Variants in EML1 observed in about 807,000 individuals in gnomAD.
EML1 encodes the protein echinoderm microtubule-associated protein-like 1.
Under a neutral mutation model 110.4 loss-of-function variants are expected in EML1, and 27 were observed. That is an observed-to-expected ratio of 0.24 (90% confidence interval 0.18 to 0.34). The LOEUF is 0.34. EML1 is among the 10% of genes least tolerant of loss of function. The probability of loss-of-function intolerance (pLI) is 1.00; values close to 1 mark genes in which losing one functional copy is unlikely to be tolerated. For synonymous variants in EML1, 344 were observed against 385.8 expected (o/e 0.89, Z 1.27); for missense variants, 741 against 1,030.9 (o/e 0.72, Z 3.85).
chr14:99,829,440 A>G (rs2058413629), intron 1 of EML1, among the ~76,000 whole-genome samples: 1 of 152,230 alleles, frequency 6.6e-6, no homozygotes, highest in South Asian at 2.1e-4. Flanking sequence ...AAATGGTTGA[A>G]TTATTTTGTT....
At chr14:99,847,289 T>A (rs1324910433) in intron 1 of EML1, among the ~76,000 whole-genome samples, 2 of 152,242 alleles carry the variant, frequency 1.3e-5, no homozygotes, top group Non-Finnish European at 2.9e-5. Flanking sequence ...CCGTTTTCTC[T>A]ACGTATCAGT....
chr14:99,864,988 A>G (rs1040629614), intron 2 of EML1, among the ~76,000 whole-genome samples: 2 of 152,120 alleles, frequency 1.3e-5, no homozygotes, highest in Non-Finnish European at 1.5e-5. Flanking sequence ...ATTTTTCCAC[A>G]GAAGTGGGGC....
intron 1 of EML1, among the ~76,000 whole-genome samples, chr14:99,841,233 C>T (rs1010144069): frequency 8.5e-5 from 13 of 152,168 alleles, no homozygotes; most frequent in Admixed American, 8.5e-4. Context: ...GAGACCTGCA[C>T]AGTATTTGCA....
At chr14:99,782,877 T>C (rs2057556275) in intron 1 of EML1, among the ~76,000 whole-genome samples, 1 of 152,170 alleles carries the variant, frequency 6.6e-6, no homozygotes, top group Non-Finnish European at 1.5e-5. Context: ...TCTTTTTATT[T>C]CTTGTAACTT....
At chr14:99,777,814 T>G (rs1287080811) in intron 1 of EML1, among the ~76,000 whole-genome samples, 1 of 152,236 alleles carries the variant, frequency 6.6e-6, no homozygotes, top group Non-Finnish European at 1.5e-5. Context: ...GTTTTGTTTT[T>G]TTGTTTTGAA....
intron 1 of EML1, among the ~76,000 whole-genome samples, chr14:99,738,502 AC>A (rs1488565433): frequency 3.3e-5 from 5 of 152,154 alleles, no homozygotes; most frequent in Non-Finnish European, 7.4e-5. Context: ...CCTGCCAGTT[AC>A]AGAGCCAGCC....
chr14:99,875,609 C>T (rs1352301941), intron 3 of EML1, among the ~76,000 whole-genome samples: 2 of 152,134 alleles, frequency 1.3e-5, no homozygotes, highest in African/African-American at 4.8e-5. Flanking sequence ...CAAGGACGCC[C>T]CAGAAGCTGT....
intron 1 of EML1, among the ~76,000 whole-genome samples, chr14:99,811,747 C>T (rs1018377358): frequency 4.0e-5 from 6 of 150,914 alleles, no homozygotes; most frequent in African/African-American, 1.5e-4. Flanking sequence ...AAGGTTGAGG[C>T]TGCAGTGAGC....
At chr14:99,746,120 A>G (rs149848206) in intron 1 of EML1, among the ~76,000 whole-genome samples, 3 of 152,308 alleles carry the variant, frequency 2.0e-5, no homozygotes, top group Non-Finnish European at 1.5e-5. Flanking sequence ...TATGTAGTCA[A>G]TGTTATCATT....
intron 1 of EML1, among the ~76,000 whole-genome samples, chr14:99,807,229 A>G (rs1220542357): frequency 6.6e-6 from 1 of 152,214 alleles, no homozygotes; most frequent in African/African-American, 2.4e-5. Context: ...TTACTTTCCC[A>G]GAGTTGGAGT....
At chr14:99,914,157 T>C in intron 13 of EML1, 22 bp from the exon 14 acceptor site, 1 of 1,590,244 alleles carries the variant, frequency 6.3e-7, no homozygotes, top group Non-Finnish European at 8.6e-7. Flanking sequence ...ATCTTTTCTT[T>C]TCATATGACT....
chr14:99,739,115 AGAGAGTGTGT>A (rs749185226), intron 1 of EML1, among the ~76,000 whole-genome samples: 3 of 85,638 alleles, frequency 3.5e-5, no homozygotes, highest in Non-Finnish European at 7.4e-5. Flanking sequence ...AGAGAGAGAG[AGAGAGTGTGT>A]GTGTGTGTGT....
In EML1 at chr14:99,827,391, C is replaced by T. The variant is rs1048887538; in HGVS notation, c.68-23462C>T. Among the ~76,000 whole-genome samples the T allele has an allele frequency of 3.3e-5, 5 of 152,172 alleles. No individual in the cohort carries two copies. The highest frequency in any genetic ancestry group is 4.2e-4 in the South Asian group (2 of 4,818). On this transcript the variant is annotated intron_variant, in intron 1 of 21. Transcript: ENST00000262233. The surrounding 1 kb of genome is among the most constrained non-coding windows in gnomAD (Gnocchi z 4.4). ...TACTCGAAGTACCCCGGCAGAGTAGCGGCACCTAGTAGCCACAAGTAAGGT... is the reference window on the plus strand; with the variant it reads ...TACTCGAAGTACCCCGGCAGAGTAGTGGCACCTAGTAGCCACAAGTAAGGT...
intron 1 of EML1, among the ~76,000 whole-genome samples, chr14:99,824,945 C>T (rs964019547): frequency 6.6e-6 from 1 of 152,198 alleles, no homozygotes; most frequent in African/African-American, 2.4e-5. Flanking sequence ...CTAAAGAAGA[C>T]ATGATTTCAT....
chr14:99,853,885 G>A (rs572625656), intron 2 of EML1, among the ~76,000 whole-genome samples: 13 of 152,278 alleles, frequency 8.5e-5, no homozygotes, highest in South Asian at 2.1e-4. Flanking sequence ...TGGCCAGGCC[G>A]GTTTTGAACT....
intron 1 of EML1, among the ~76,000 whole-genome samples, chr14:99,742,380 G>A (rs2057053002): frequency 6.6e-6 from 1 of 152,224 alleles, no homozygotes; most frequent in African/African-American, 2.4e-5. Context: ...CTCTGGAGCT[G>A]GGGATGGAGA....
At chr14:99,783,108 C>T (rs1566862358) in intron 1 of EML1, among the ~76,000 whole-genome samples, 1 of 151,588 alleles carries the variant, frequency 6.6e-6, no homozygotes, top group Non-Finnish European at 1.5e-5. Flanking sequence ...TCATCATTTA[C>T]ATTAGGTATA....
intron 6 of EML1, among the ~76,000 whole-genome samples, chr14:99,895,032 A>G (rs1256611262): frequency 1.3e-5 from 2 of 152,214 alleles, no homozygotes; most frequent in Non-Finnish European, 2.9e-5. Context: ...GCTCAAATAC[A>G]TGTTCATTAT....
chr14:99,798,392 CTTTTTTTTTTTTT>C (rs374969316), intron 1 of EML1, among the ~76,000 whole-genome samples: 1 of 131,038 alleles, frequency 7.6e-6, no homozygotes, highest in Non-Finnish European at 1.6e-5. Context: ...AAAGTCTATA[CTTTTTTTTTTTTT>C]TTTTCGAGAC....
Sources: gnomAD v4.1 joint callset for allele counts (sites outside exome capture counted in the v4.1 genomes callset) on GRCh38, gnomAD v4.1.1 for gene constraint, Gnocchi (gnomAD v3.1) non-coding constraint, MANE v1.5 for transcripts, NCBI Gene and HGNC (gene_info 2026-07-23, HGNC 2026-07-21) for gene names.